OSBPL9: variants seen among roughly 807,000 people sequenced by gnomAD.
OSBPL9 encodes the protein oxysterol-binding protein-related protein 9.
A neutral mutation model predicts 106.6 loss-of-function variants in OSBPL9; 40 were observed. The observed-to-expected ratio is 0.38, with a 90% CI of 0.29 to 0.49. The LOEUF is 0.49. OSBPL9 is among the 20% of genes least tolerant of loss of function. The probability of loss-of-function intolerance (pLI) is 0.97; values close to 1 mark genes in which losing one functional copy is unlikely to be tolerated. For missense variants in OSBPL9, 609 were observed against 887.2 expected (o/e 0.69, Z 3.98); for synonymous variants, 269 against 295.4 (o/e 0.91, Z 0.92).
rs1157392700 is a variant in OSBPL9, at chr1:51,713,128, TTTTG to T, written c.242-871_242-868del. Among the ~76,000 whole-genome samples, 207 of 152,102 alleles carry T rather than the reference TTTTG, an allele frequency of 1.4e-3. 1 individual carries two copies. Among genetic ancestry groups the T allele is most frequent in the African/African-American group, 4.8e-3 (201 of 41,476 alleles). The stretch of plus-strand genomic sequence containing the variant: ...TGAAAAGGCTTGTGTGGTTGGTTTT[TTTTG>T]TTTTTTTATTTTATTTTATTTTATT... On this transcript the variant is annotated intron_variant, in intron 3 of 23. Transcript: ENST00000428468.
At chr1:51,580,194 C>G (rs1007594595) in intron 1 of OSBPL9, among the ~76,000 whole-genome samples, 1 of 152,168 alleles carries the variant, frequency 6.6e-6, no homozygotes, top group Non-Finnish European at 1.5e-5. Flanking sequence ...TGTTAAAAAG[C>G]CTTGTGGGGT....
the OSBPL9 span, among the ~76,000 whole-genome samples, chr1:51,553,185 T>A: frequency 6.6e-6 from 1 of 152,060 alleles, no homozygotes; most frequent in African/African-American, 2.4e-5. Context: ...CCGGGGAAGC[T>A]GGTAAACAAA....
At chr1:51,761,653 A>G (rs1320311165) in intron 10 of OSBPL9, among the ~76,000 whole-genome samples, 12 of 152,100 alleles carry the variant, frequency 7.9e-5, no homozygotes, top group Admixed American at 7.9e-4. Flanking sequence ...TGGTTTTTTG[A>G]TATCCTGCCT....
intron 1 of OSBPL9, among the ~76,000 whole-genome samples, chr1:51,642,934 T>C (rs1392485742): frequency 6.6e-6 from 1 of 152,234 alleles, no homozygotes; most frequent in Non-Finnish European, 1.5e-5. Context: ...GGACATTTTA[T>C]GTCTTAGTCT....
In OSBPL9 at chr1:51,742,293, GCTTA is replaced by G. The variant is rs1431353549; in HGVS notation, c.319-3239_319-3236del. Among the ~76,000 whole-genome samples, 3 of 152,264 alleles carry G rather than the reference GCTTA, an allele frequency of 2.0e-5. No individual in the cohort carries two copies. The East Asian group carries it at 5.8e-4, about 29-fold the overall frequency. On this transcript the variant is annotated intron_variant, in intron 4 of 23. Transcript: ENST00000428468. The stretch of plus-strand genomic sequence containing the variant: ...AGAATGTGTATCTACTTGACTCCCA[GCTTA>G]CTTGTTCTCAAAAGCTACTGTAAGA...
Position 51,751,420 on chromosome 1 carries a change from A to G in OSBPL9, c.543+1225A>G, listed in dbSNP as rs17106735. 3.4e-3 allele frequency among the ~76,000 whole-genome samples: 515 copies of G among 152,176 alleles called. 5 individuals carry two copies. Among genetic ancestry groups the G allele is most frequent in the African/African-American group, 0.012 (493 of 41,516 alleles). ...GGCTTATGTTCTGTTTCTAGATGTT[A>G]GTGATATCTAGATTTCCTATGTATG... On this transcript the variant is annotated intron_variant, in intron 8 of 23. Transcript: ENST00000428468.
At chr1:51,594,123 G>A (rs936863563) in intron 1 of OSBPL9, among the ~76,000 whole-genome samples, 1 of 152,052 alleles carries the variant, frequency 6.6e-6, no homozygotes, top group African/African-American at 2.4e-5. Context: ...TTGGCTAGGC[G>A]CAGTGGCTCA....
intron 9 of OSBPL9, among the ~76,000 whole-genome samples, chr1:51,758,806 C>T (rs1165348686): frequency 2.6e-5 from 4 of 152,032 alleles, no homozygotes; most frequent in Admixed American, 2.0e-4. Context: ...CTTTGTAAAG[C>T]ATTTGGAGTT....
chr1:51,748,861 G>A (rs528411563), intron 7 of OSBPL9, among the ~76,000 whole-genome samples: 231 of 152,176 alleles, frequency 1.5e-3, no homozygotes, highest in African/African-American at 5.1e-3. Context: ...CGAGGTGGGC[G>A]GATCACCTGA....
intron 20 of OSBPL9, 77 bp from the exon 21 acceptor site, chr1:51,785,731 A>G: frequency 8.1e-7 from 1 of 1,236,100 alleles, no homozygotes; most frequent in Non-Finnish European, 1.2e-6. Flanking sequence ...TCTACTCTGT[A>G]GTTGGGCCAC....
intron 3 of OSBPL9, among the ~76,000 whole-genome samples, chr1:51,710,541 T>C (rs191719709): frequency 6.6e-6 from 1 of 152,380 alleles, no homozygotes; most frequent in East Asian, 1.9e-4. Context: ...GAATACTTTT[T>C]AGAATTTTAT....
Position 51,642,213 on chromosome 1 carries a change from A to G in OSBPL9, c.112-9778A>G, listed in dbSNP as rs564111554. On this transcript the variant is annotated intron_variant, in intron 1 of 23. Coordinates refer to ENST00000428468, the MANE Select transcript of OSBPL9 (RefSeq NM_024586.6). ...GAGGGTTACGTTAATGAAAATTTAA[A>G]TGGCTAGCTGTACTTACGTGTCTCC... Among the ~76,000 whole-genome samples the G allele has an allele frequency of 1.4e-4, 21 of 152,340 alleles. No individual in the cohort carries two copies. In the South Asian group the frequency reaches 4.1e-3, roughly 30 times the overall value.
At chr1:51,687,847 C>T (rs1294569248) in intron 3 of OSBPL9, among the ~76,000 whole-genome samples, 1 of 152,194 alleles carries the variant, frequency 6.6e-6, no homozygotes, top group Non-Finnish European at 1.5e-5. Context: ...GCCTCCTCGT[C>T]ACATTTGTGG....
chr1:51,733,261 G>A (rs559889682), intron 4 of OSBPL9, among the ~76,000 whole-genome samples: 1 of 152,278 alleles, frequency 6.6e-6, no homozygotes, highest in Admixed American at 6.5e-5. Flanking sequence ...CGGGGCCTTT[G>A]TCCCTAGTTT....
At chr1:51,676,195 G>A (rs1205209968) in intron 3 of OSBPL9, among the ~76,000 whole-genome samples, 1 of 152,092 alleles carries the variant, frequency 6.6e-6, no homozygotes, top group African/African-American at 2.4e-5. Flanking sequence ...GGGAGACCGA[G>A]GTGGTGGGTG....
At chr1:51,735,830 T>C (rs1227056689) in intron 4 of OSBPL9, among the ~76,000 whole-genome samples, 1 of 152,240 alleles carries the variant, frequency 6.6e-6, no homozygotes, top group Non-Finnish European at 1.5e-5. Flanking sequence ...TGCCTCATCT[T>C]GTTTCTTGTT....
intron 2 of OSBPL9, among the ~76,000 whole-genome samples, chr1:51,659,999 G>A (rs766795144): frequency 6.6e-6 from 1 of 152,008 alleles, no homozygotes; most frequent in Non-Finnish European, 1.5e-5. Context: ...TAGCGGAATG[G>A]AAGAGAAAGC....
chr1:51,675,368 AATTTATTT>A (rs1267111339), intron 3 of OSBPL9, among the ~76,000 whole-genome samples: 3 of 151,182 alleles, frequency 2.0e-5, no homozygotes, highest in African/African-American at 7.3e-5. Flanking sequence ...TTAATTAATT[AATTTATTT>A]ATTTATTTAT....
At chr1:51,574,938 G>A (rs1237956890), upstream of OSBPL9, among the ~76,000 whole-genome samples, 1 of 152,154 alleles carries the variant, frequency 6.6e-6, no homozygotes, top group African/African-American at 2.4e-5. Flanking sequence ...TGATAAATTT[G>A]TTTTGCTTTG....
Sources: allele counts gnomAD v4.1 joint callset (sites outside exome capture counted in the v4.1 genomes callset), GRCh38; gene constraint gnomAD v4.1.1; transcripts MANE v1.5; gene names NCBI Gene and HGNC (gene_info 2026-07-23, HGNC 2026-07-21).